Variants in USP34 observed in about 807,000 individuals in gnomAD.
The protein encoded by USP34 is ubiquitin carboxyl-terminal hydrolase 34.
USP34 carries 70 observed loss-of-function variants against 460.3 expected under a neutral mutation model. That is an observed-to-expected ratio of 0.15 (90% CI 0.13 to 0.19). The LOEUF is 0.19. Ranked by LOEUF, USP34 falls within the 10% of genes least tolerant of loss-of-function variation. The pLI is 1.00. For synonymous variants in USP34, 1,647 were observed against 1,405.3 expected (o/e 1.17, Z -3.85); for missense variants, 3,985 against 4,236.2 (o/e 0.94, Z 1.65).
intron 10 of USP34, among the ~76,000 whole-genome samples, chr2:61,369,902 G>C (rs1692562389): frequency 6.7e-6 from 1 of 149,754 alleles, no homozygotes; most frequent in African/African-American, 2.5e-5. Flanking sequence ...ATGCTTGAGA[G>C]ATGGGGCAGA....
intron 1 of USP34, among the ~76,000 whole-genome samples, chr2:61,467,990 A>C (rs1240117765): frequency 2.0e-5 from 3 of 152,108 alleles, no homozygotes; most frequent in Non-Finnish European, 4.4e-5. Context: ...ACAGGCGGGA[A>C]AAGGGCAGAC....
intron 1 of USP34, among the ~76,000 whole-genome samples, chr2:61,452,889 T>C (rs1385718779): frequency 1.7e-5 from 2 of 119,070 alleles, no homozygotes; most frequent in African/African-American, 6.8e-5. Context: ...GACACTATGA[T>C]GACCCACCCC....
intron 6 of USP34, among the ~76,000 whole-genome samples, chr2:61,382,237 T>C (rs999699257): frequency 2.6e-5 from 4 of 152,110 alleles, no homozygotes; most frequent in African/African-American, 7.2e-5. Context: ...AACCCTTCAA[T>C]AGACTCCCAT....
chr2:61,293,636 A>T, intron 32 of USP34, 86 bp from the exon 33 acceptor site: 1 of 889,578 alleles, frequency 1.1e-6, no homozygotes, highest in Non-Finnish European at 1.8e-6. Context: ...GGATATGTAA[A>T]ATATTACGTA....
At chr2:61,296,261 A>AAAAT (rs56835562) in intron 30 of USP34, among the ~76,000 whole-genome samples, 95 of 151,156 alleles carry the variant, frequency 6.3e-4, no homozygotes, top group Non-Finnish European at 8.6e-4. Flanking sequence ...CCTTATCTCA[A>AAAAT]AAATAAATAA....
intron 18 of USP34, among the ~76,000 whole-genome samples, chr2:61,338,802 A>G (rs1691503751): frequency 6.6e-6 from 1 of 152,238 alleles, no homozygotes; most frequent in Non-Finnish European, 1.5e-5. Flanking sequence ...GTTTAAAAAC[A>G]AAAACCAAAA....
At position 61,451,072 on chromosome 2, in the gene USP34, T is replaced by C. The variant is rs1031603169; in HGVS notation, c.43+19578A>G. Reference sequence around the variant, plus strand: ...ATCTCTACTAAAAATGTAAAAAAAATTGGCTGGGCATGGTGGTAGGCGCCT... The same window carrying C: ...ATCTCTACTAAAAATGTAAAAAAAACTGGCTGGGCATGGTGGTAGGCGCCT... On this transcript the variant is annotated intron_variant, in intron 1 of 79. Transcript: ENST00000398571. Among the ~76,000 whole-genome samples, 22 of 149,918 alleles carry C rather than the reference T, an allele frequency of 1.5e-4. No individual in the cohort carries two copies. The South Asian group carries it at 2.7e-3, about 19-fold the overall frequency.
chr2:61,393,429 T>TAAA lies in USP34; in HGVS notation c.753+1421_753+1423dup, dbSNP rs33954205. ...CTGGGCAACAGAGCCAGACTCCGTC[T>TAAA]AAAAAAAAAAAAAAAAAGGCAACAT... On this transcript the variant is annotated intron_variant, in intron 5 of 79. Transcript: ENST00000398571. Among the ~76,000 whole-genome samples, 683 of 129,842 alleles carry TAAA rather than the reference T, an allele frequency of 5.3e-3. 4 individuals are homozygous for TAAA. Among genetic ancestry groups the TAAA allele is most frequent in the East Asian group, 0.038 (174 of 4,592 alleles). 85.2% of individuals were successfully genotyped at this position (129,842 alleles called of 152,430 possible).
chr2:61,465,655 C>T (rs1695739223), intron 1 of USP34, among the ~76,000 whole-genome samples: 1 of 152,058 alleles, frequency 6.6e-6, no homozygotes. Flanking sequence ...CCAGCCTGGG[C>T]AACAATGCAA....
intron 38 of USP34, among the ~76,000 whole-genome samples, 158 bp from the exon 39 acceptor site, chr2:61,280,506 A>C (rs1477277900): frequency 1.3e-5 from 2 of 152,150 alleles, no homozygotes; most frequent in Non-Finnish European, 2.9e-5. Context: ...TTTCTGTAAA[A>C]TCAGAATAAC....
At chr2:61,218,585 C>T (rs1237677114) in intron 67 of USP34, among the ~76,000 whole-genome samples, 1 of 151,362 alleles carries the variant, frequency 6.6e-6, no homozygotes, top group Non-Finnish European at 1.5e-5. Flanking sequence ...CTTTTTTTTC[C>T]TTCCAGGATC....
At chr2:61,320,880 G>C (rs1376663918) in intron 21 of USP34, among the ~76,000 whole-genome samples, 1 of 151,854 alleles carries the variant, frequency 6.6e-6, no homozygotes, top group African/African-American at 2.4e-5. Context: ...CGTGGTGGTG[G>C]GTGCCTGTAA....
rs1194723110 is a variant in USP34 at position 61,241,831 on chromosome 2, T to C, written c.6628-12A>G. On this transcript the variant is annotated splice_polypyrimidine_tract_variant and intron_variant, in intron 51 of 79. Transcript: ENST00000398571. ...TCATAGGTCTTGGTCTGTTTAAAAA[T>C]ACAAAAGTTTTACTTCTTTGAAAAA... The C allele has an allele frequency of 2.0e-6, 3 of 1,467,896 alleles. No individual in the cohort carries two copies. The highest frequency in any genetic ancestry group is 2.7e-6 in the Non-Finnish European group (3 of 1,091,348). 90.9% of individuals were successfully genotyped at this position (1,467,896 alleles called of 1,614,324 possible).
intron 5 of USP34, 59 bp downstream of exon 5, chr2:61,394,794 T>C (rs1213079497): frequency 5.4e-6 from 7 of 1,299,692 alleles, no homozygotes; most frequent in Non-Finnish European, 7.0e-6. Flanking sequence ...ATAAAATTCA[T>C]GTTACTGATA....
chr2:61,343,533 T>C (rs1240469905), intron 16 of USP34, among the ~76,000 whole-genome samples: 2 of 152,204 alleles, frequency 1.3e-5, no homozygotes, highest in Non-Finnish European at 2.9e-5. Flanking sequence ...TACAACCATA[T>C]ATTTTCTAAA....
At chr2:61,455,843 T>C (rs1695421833) in intron 1 of USP34, among the ~76,000 whole-genome samples, 1 of 152,208 alleles carries the variant, frequency 6.6e-6, no homozygotes, top group Non-Finnish European at 1.5e-5. Flanking sequence ...CTATGAGACA[T>C]GTATTAAGAA....
chr2:61,438,623 CAA>C (rs60440972), intron 1 of USP34, among the ~76,000 whole-genome samples: 187 of 150,440 alleles, frequency 1.2e-3, no homozygotes, highest in Non-Finnish European at 1.1e-3. Context: ...AAAACAAAAA[CAA>C]AAAAAAAACA....
chr2:61,413,265 G>T (rs1400065554), intron 2 of USP34, among the ~76,000 whole-genome samples: 2 of 152,138 alleles, frequency 1.3e-5, no homozygotes, highest in Non-Finnish European at 2.9e-5. Flanking sequence ...GTGGTGGCAT[G>T]TGCCTGTAGC....
At chr2:61,249,109 T>A (rs1361921290) in intron 48 of USP34, among the ~76,000 whole-genome samples, 2 of 152,232 alleles carry the variant, frequency 1.3e-5, no homozygotes, top group Non-Finnish European at 2.9e-5. Context: ...AATAGAACAA[T>A]TCTAACAATA....
Sources: gnomAD v4.1 joint callset for allele counts (sites outside exome capture counted in the v4.1 genomes callset) on GRCh38, gnomAD v4.1.1 for gene constraint, MANE v1.5 for transcripts, NCBI Gene and HGNC (gene_info 2026-07-23, HGNC 2026-07-21) for gene names.